Variants in LRRFIP2 observed in about 807,000 individuals in gnomAD.
LRRFIP2 encodes the protein LRR binding FLII interacting protein 2.
In LRRFIP2, 109 loss-of-function variants were observed where a neutral mutation model predicts 125.9. That is an observed-to-expected ratio of 0.87 (90% CI 0.74 to 1.01). The LOEUF (loss-of-function observed/expected upper bound fraction) is 1.01, where lower values mean the gene tolerates loss of function less well. Among genes scored for constraint, LRRFIP2 ranks in the 50% least tolerant of loss-of-function variants. The pLI, the probability that LRRFIP2 is intolerant of heterozygous loss-of-function variation, is 0.00. For synonymous variants in LRRFIP2, 291 were observed against 293.1 expected (o/e 0.99, Z 0.07); for missense variants, 850 against 862.3 (o/e 0.99, Z 0.18).
In LRRFIP2 at chr3:37,063,160, A is replaced by AAT. The variant is rs796122334; in HGVS notation, c.1749+580_1749+581dup. Among the ~76,000 whole-genome samples the AAT allele has an allele frequency of 1.6e-4, 25 of 152,346 alleles. No individual in the cohort carries two copies. In the South Asian group the frequency reaches 5.2e-3, roughly 32 times the overall value. On this transcript the variant is annotated intron_variant, in intron 24 of 27. Coordinates refer to ENST00000336686, the MANE Select transcript of LRRFIP2 (RefSeq NM_006309.4). ...CATAACATTAACTTTAGAGGAAACT[A>AAT]ATAGTTCTGAGGGAGATGATCCTAG...
At chr3:37,149,993 T>G (rs1205058664) in intron 1 of LRRFIP2, among the ~76,000 whole-genome samples, 1 of 148,854 alleles carries the variant, frequency 6.7e-6, no homozygotes, top group Non-Finnish European at 1.5e-5. Flanking sequence ...AGAGAGAGAC[T>G]CCACCTCAAA....
intron 19 of LRRFIP2, among the ~76,000 whole-genome samples, chr3:37,079,492 C>T (rs190383711): frequency 1.1e-3 from 160 of 152,240 alleles, no homozygotes; most frequent in African/African-American, 3.6e-3. Flanking sequence ...CCTGTAATTC[C>T]AACACTTTGG....
rs772126833 is a variant in LRRFIP2 at position 37,054,442 on chromosome 3, A to G, written c.2024T>C (p.Leu675Ser). The change falls in exon 27 of 28, where the codon TTG becomes TCG. Residue 675 changes from leucine (L) to serine (S), a missense_variant. By Grantham distance (145) the Leu-to-Ser change is moderately radical (BLOSUM62 -2). Coordinates refer to ENST00000336686, the MANE Select transcript of LRRFIP2 (RefSeq NM_006309.4). Reference protein sequence around the residue: ...AENAEKVEDELKAEKRKLQRE... With the variant: ...AENAEKVEDESKAEKRKLQRE... ...TTGTAGCTTCCGTTTTTCTGCTTTC[A>G]ATTCATCTTCAACTTTCTCAGCATT... 1.3e-5 allele frequency: 21 copies of G among 1,613,926 alleles called. No individual in the cohort carries two copies. In the Admixed American group the frequency reaches 3.3e-4, roughly 26 times the overall value.
intron 23 of LRRFIP2, chr3:37,064,771 TA>T (rs1485658124): frequency 4.6e-5 from 7 of 152,120 alleles, no homozygotes; most frequent in African/African-American, 1.4e-4. Context: ...CGCCAACCAC[TA>T]CCCTCTGTAA....
chr3:37,165,216 C>G (rs548115698), intron 1 of LRRFIP2, among the ~76,000 whole-genome samples: 2 of 148,508 alleles, frequency 1.3e-5, no homozygotes, highest in Non-Finnish European at 3.0e-5. Flanking sequence ...GCCTGGGTGA[C>G]AGAGCGAGAC....
At chr3:37,080,571 C>T (rs1199697617) in intron 19 of LRRFIP2, among the ~76,000 whole-genome samples, 1 of 152,062 alleles carries the variant, frequency 6.6e-6, no homozygotes, top group Non-Finnish European at 1.5e-5. Flanking sequence ...AGGAAGACAA[C>T]TGCATCATCT....
chr3:37,076,759 G>A (rs904426260), intron 19 of LRRFIP2, among the ~76,000 whole-genome samples: 3 of 151,806 alleles, frequency 2.0e-5, no homozygotes, highest in South Asian at 2.1e-4. Flanking sequence ...CCAGCTACTC[G>A]GGAGGCTGAG....
intron 6 of LRRFIP2, among the ~76,000 whole-genome samples, chr3:37,117,166 C>T (rs1401705228): frequency 6.7e-6 from 1 of 149,976 alleles, no homozygotes; most frequent in African/African-American, 2.4e-5. Flanking sequence ...ACATATTACT[C>T]AAGTCACACA....
chr3:37,065,885 G>T lies in LRRFIP2; in HGVS notation c.1624C>A (p.Pro542Thr). Residue 542 changes from proline (P) to threonine (T), a missense_variant, in exon 23 of 28, where the codon CCA becomes ACA. Physicochemically the swap from Pro to Thr is conservative, Grantham distance 38 (BLOSUM62 -1). Coordinates refer to ENST00000336686, the MANE Select transcript of LRRFIP2 (RefSeq NM_006309.4). Reference protein sequence around the residue: ...GTPNGDVSHEPVAGAITVVSQ... With the variant: ...GTPNGDVSHETVAGAITVVSQ... ...ACAACAGTGATGGCTCCAGCCACTGGTTCATGACTGACATCACCATTGGGA... is the reference window on the plus strand; with the variant it reads ...ACAACAGTGATGGCTCCAGCCACTGTTTCATGACTGACATCACCATTGGGA... 1 of 1,614,128 alleles carries T rather than the reference G, an allele frequency of 6.2e-7. No individual in the cohort carries two copies. The highest frequency in any genetic ancestry group is 1.7e-4 in the Middle Eastern group (1 of 6,060).
chr3:37,054,645 A>G (rs1429474621), intron 26 of LRRFIP2, 130 bp from the exon 27 acceptor site: 2 of 650,624 alleles, frequency 3.1e-6, no homozygotes, highest in East Asian at 2.6e-5. Flanking sequence ...AGGGTGACTC[A>G]TAAGTCCTCT....
intron 6 of LRRFIP2, among the ~76,000 whole-genome samples, chr3:37,117,708 A>T (rs1180512867): frequency 6.6e-6 from 1 of 152,232 alleles, no homozygotes; most frequent in Non-Finnish European, 1.5e-5. Context: ...AAGAAAGTAC[A>T]TACAGTGAAC....
At chr3:37,159,799 A>G (rs1213982082) in intron 1 of LRRFIP2, among the ~76,000 whole-genome samples, 4 of 149,338 alleles carry the variant, frequency 2.7e-5, no homozygotes, top group Non-Finnish European at 4.5e-5. Context: ...GAGCCACTGC[A>G]CCCAGCCTGA....
At chr3:37,116,117 C>T (rs562608990) in intron 6 of LRRFIP2, among the ~76,000 whole-genome samples, 45 of 152,212 alleles carry the variant, frequency 3.0e-4, no homozygotes, top group African/African-American at 1.0e-3. Context: ...ATAAAATCAA[C>T]TTAGTAGGGT....
At chr3:37,146,674 C>T (rs756182607) in intron 2 of LRRFIP2, among the ~76,000 whole-genome samples, 49 of 152,228 alleles carry the variant, frequency 3.2e-4, no homozygotes, top group Middle Eastern at 6.8e-3. Context: ...CACAATATTC[C>T]GTGGTGTATA....
At chr3:37,145,087 C>T (rs2095823273) in intron 2 of LRRFIP2, among the ~76,000 whole-genome samples, 2 of 152,178 alleles carry the variant, frequency 1.3e-5, no homozygotes, top group Admixed American at 1.3e-4. Context: ...TTCCTAGCAA[C>T]TTCCCTTTAG....
intron 18 of LRRFIP2, among the ~76,000 whole-genome samples, chr3:37,087,026 T>C (rs1371978860): frequency 6.6e-6 from 1 of 152,048 alleles, no homozygotes; most frequent in Non-Finnish European, 1.5e-5. Context: ...CACACCTGGC[T>C]AATTTTTTGT....
intron 15 of LRRFIP2, among the ~76,000 whole-genome samples, chr3:37,097,155 A>C (rs1204427557): frequency 1.3e-5 from 2 of 151,660 alleles, no homozygotes; most frequent in Non-Finnish European, 2.9e-5. Context: ...TTTCCCCCAC[A>C]TCAAGGATTT....
At chr3:37,119,501 G>A (rs770723995) in intron 6 of LRRFIP2, among the ~76,000 whole-genome samples, 11 of 151,764 alleles carry the variant, frequency 7.2e-5, no homozygotes, top group South Asian at 2.1e-4. Context: ...ATAAATAACC[G>A]GCTTAATAAC....
chr3:37,085,564 A>G (rs1238280433), intron 18 of LRRFIP2, among the ~76,000 whole-genome samples: 1 of 149,760 alleles, frequency 6.7e-6, no homozygotes, highest in African/African-American at 2.5e-5. Context: ...CCAAAAAAAA[A>G]GACTTCACTC....
Sources: gnomAD v4.1 joint callset for allele counts (sites outside exome capture counted in the v4.1 genomes callset) on GRCh38, gnomAD v4.1.1 for gene constraint, MANE v1.5 for transcripts, NCBI Gene and HGNC (gene_info 2026-07-23, HGNC 2026-07-21) for gene names.